CELF2: variants seen among roughly 807,000 people sequenced by gnomAD.
CELF2 encodes CUGBP Elav-like family member 2, also known as CUG triplet repeat RNA-binding protein 2.
Under a neutral mutation model 62.6 loss-of-function variants are expected in CELF2, and 8 were observed. The observed-to-expected ratio is 0.13, with a 90% CI of 0.07 to 0.23. The LOEUF is 0.23. Among genes scored for constraint, CELF2 ranks in the 10% least tolerant of loss-of-function variants. The pLI is 1.00. For missense variants in CELF2, 333 were observed against 671.0 expected, an observed-to-expected ratio of 0.50 and a Z score of 5.56; for synonymous variants, 258 against 250.0, an observed-to-expected ratio of 1.03 and a Z score of -0.30.
chr10:10,710,491 G>A, the CELF2 span, among the ~76,000 whole-genome samples: 2 of 152,280 alleles, frequency 1.3e-5, no homozygotes, highest in African/African-American at 4.8e-5. Flanking sequence ...TCCACAAATG[G>A]TACCATTTTA....
the CELF2 span, among the ~76,000 whole-genome samples, chr10:10,748,155 G>A: frequency 3.9e-5 from 6 of 152,158 alleles, no homozygotes; most frequent in Admixed American, 2.0e-4. Flanking sequence ...AAGTTCCAAT[G>A]TTCAATAGCA....
chr10:10,858,844 A>G (rs1016564562), intron 1 of CELF2, among the ~76,000 whole-genome samples: 2 of 152,162 alleles, frequency 1.3e-5, no homozygotes, highest in Non-Finnish European at 2.9e-5. Context: ...AAGATTCAGA[A>G]AGCCAGAAGA....
intron 1 of CELF2, among the ~76,000 whole-genome samples, chr10:10,907,114 C>T (rs190352530): frequency 0.03 from 4,581 of 152,094 alleles, 83 homozygotes; most frequent in Middle Eastern, 0.051. Context: ...CACACGCAAA[C>T]GCACACACAC....
chr10:10,789,793 A>G, the CELF2 span, among the ~76,000 whole-genome samples: 134 of 152,228 alleles, frequency 8.8e-4, no homozygotes, highest in African/African-American at 3.2e-3. Flanking sequence ...CATACATACT[A>G]TCTATTATTG....
At chr10:10,867,951 C>A (rs2060489625) in intron 1 of CELF2, among the ~76,000 whole-genome samples, 1 of 152,212 alleles carries the variant, frequency 6.6e-6, no homozygotes, top group Admixed American at 6.5e-5. Flanking sequence ...TTCTTTCTTT[C>A]TTACCAAATG....
chr10:10,560,053 AG>A, the CELF2 span, among the ~76,000 whole-genome samples: 1 of 152,194 alleles, frequency 6.6e-6, no homozygotes, highest in Non-Finnish European at 1.5e-5. Context: ...ATTTGGAATG[AG>A]GGCTCAATGT....
At chr10:11,109,805 A>G (rs1018728956) in intron 1 of CELF2, among the ~76,000 whole-genome samples, 4 of 152,150 alleles carry the variant, frequency 2.6e-5, no homozygotes, top group Non-Finnish European at 5.9e-5. Flanking sequence ...CTGCATGCAC[A>G]TGGTTTATGT....
At chr10:11,086,578 TAAAAAAAAAAAAAAAAA>T (rs1168932032) in intron 1 of CELF2, among the ~76,000 whole-genome samples, 9 of 71,982 alleles carry the variant, frequency 1.3e-4, no homozygotes, top group East Asian at 7.9e-4. Context: ...TTGCATTTGT[TAAAAAAAAAAAAAAAAA>T]AAAAAAAAAA....
chr10:11,280,982 C>CTGTGCGTGTG lies in CELF2; in HGVS notation c.841+5866_841+5867insCGTGTGTGTG, dbSNP rs1555054929. Reference sequence around the variant, plus strand: ...CTGATGCTGGCGTGCGTGTGCATGCCTGTGTGCGTGTGTGTGTGTGTGTGT... The same window carrying CTGTGCGTGTG: ...CTGATGCTGGCGTGCGTGTGCATGCCTGTGCGTGTGTGTGTGCGTGTGTGTGTGTGTGTGT... On this transcript the variant is annotated intron_variant, in intron 8 of 12. Transcript: ENST00000633077. The surrounding 1 kb of genome is among the most constrained non-coding windows in gnomAD (Gnocchi z 7.6). Among the ~76,000 whole-genome samples the CTGTGCGTGTG allele has an allele frequency of 8.3e-6, 1 of 119,776 alleles. No homozygotes were observed. Among genetic ancestry groups the CTGTGCGTGTG allele is most frequent in the African/African-American group, 3.7e-5 (1 of 27,022 alleles). 78.6% of individuals were successfully genotyped at this position (119,776 alleles called of 152,430 possible). A position where few individuals can be genotyped will look rare whatever the true frequency, so the allele number is the denominator to read the frequency against.
intron 3 of CELF2, among the ~76,000 whole-genome samples, chr10:11,240,449 T>C (rs1280480732): frequency 6.6e-6 from 1 of 152,234 alleles, no homozygotes; most frequent in Non-Finnish European, 1.5e-5. Context: ...TCAGCGTCTA[T>C]GTAGAACATT....
the CELF2 span, among the ~76,000 whole-genome samples, chr10:10,593,371 A>C: frequency 6.6e-6 from 1 of 152,246 alleles, no homozygotes; most frequent in Admixed American, 6.5e-5. Context: ...GTGACTTCAC[A>C]TGGTCTCTCA....
At chr10:10,553,752 G>A in the CELF2 span, among the ~76,000 whole-genome samples, 9 of 152,124 alleles carry the variant, frequency 5.9e-5, no homozygotes, top group African/African-American at 2.2e-4. Flanking sequence ...AGAACACTGC[G>A]AGCAGAGGCC....
At chr10:10,571,857 G>A in the CELF2 span, among the ~76,000 whole-genome samples, 1 of 152,162 alleles carries the variant, frequency 6.6e-6, no homozygotes, top group East Asian at 1.9e-4. Context: ...GATGAGATGA[G>A]CGTAGGAATG....
rs1224469090 is a variant in CELF2, at chr10:11,246,217, C to G, written c.355-2936C>G. 6.6e-6 allele frequency among the ~76,000 whole-genome samples: 1 copy of G among 152,126 alleles called. No individual in the cohort carries two copies. The highest frequency in any genetic ancestry group is 1.5e-5 in the Non-Finnish European group (1 of 68,018). ...CGACCGCCATGATAGACTGCACACT[C>G]CCTGTGGGCAGGAGCCATGTTCATT... is the stretch of plus-strand genomic sequence containing the variant. On this transcript the variant is annotated intron_variant, in intron 3 of 12. Coordinates refer to ENST00000633077, the MANE Select transcript of CELF2 (RefSeq NM_001326342.2). The surrounding 1 kb of genome is among the most constrained non-coding windows in gnomAD (Gnocchi z 4.6).
At chr10:10,575,256 C>T in the CELF2 span, among the ~76,000 whole-genome samples, 1 of 152,146 alleles carries the variant, frequency 6.6e-6, no homozygotes, top group Non-Finnish European at 1.5e-5. Context: ...TTAACCCATT[C>T]TTGAAGGGTG....
At chr10:10,977,812 TG>T (rs1172228225) in intron 2 of CELF2, among the ~76,000 whole-genome samples, 1 of 152,184 alleles carries the variant, frequency 6.6e-6, no homozygotes, top group East Asian at 1.9e-4. Flanking sequence ...CACAGCTGTG[TG>T]GTTCTGAGCA....
chr10:10,707,166 G>A, the CELF2 span, among the ~76,000 whole-genome samples: 1 of 152,158 alleles, frequency 6.6e-6, no homozygotes, highest in East Asian at 1.9e-4. Flanking sequence ...GGCTCTTTGA[G>A]TGTGAGTACT....
At chr10:10,813,663 A>G (rs989533531) in intron 1 of CELF2, among the ~76,000 whole-genome samples, 1 of 152,356 alleles carries the variant, frequency 6.6e-6, no homozygotes, top group Non-Finnish European at 1.5e-5. Context: ...ATGAAAGCAC[A>G]TGGTCTCTAT....
chr10:10,920,541 A>G (rs2064796651), intron 2 of CELF2, among the ~76,000 whole-genome samples: 1 of 152,174 alleles, frequency 6.6e-6, no homozygotes, highest in Admixed American at 6.5e-5. Context: ...TATGTAATTG[A>G]TCATTGTGCT....
Sources: gnomAD v4.1 joint callset for allele counts (sites outside exome capture counted in the v4.1 genomes callset) on GRCh38, gnomAD v4.1.1 for gene constraint, Gnocchi (gnomAD v3.1) non-coding constraint, MANE v1.5 for transcripts, NCBI Gene and HGNC (gene_info 2026-07-23, HGNC 2026-07-21) for gene names.